TXNDC16: variants seen among roughly 807,000 people sequenced by gnomAD.
TXNDC16 encodes thioredoxin domain containing 16.
TXNDC16 carries 74 observed loss-of-function variants against 85.6 expected under a neutral mutation model. That is an observed-to-expected ratio of 0.86 (90% CI 0.72 to 1.05). TXNDC16 has a LOEUF of 1.05. Ranked by LOEUF, TXNDC16 falls within the 50% of genes least tolerant of loss-of-function variation. TXNDC16 has a pLI of 0.00. For synonymous variants in TXNDC16, 335 were observed against 326.5 expected, an observed-to-expected ratio of 1.03 and a Z score of -0.28; for missense variants, 959 against 947.0, an observed-to-expected ratio of 1.01 and a Z score of -0.17.
At chr14:52,492,745 G>A (rs1400098867) in intron 9 of TXNDC16, among the ~76,000 whole-genome samples, 1 of 152,152 alleles carries the variant, frequency 6.6e-6, no homozygotes, top group East Asian at 1.9e-4. Flanking sequence ...ACACTTACCA[G>A]TCAGGGGGCA....
chr14:52,469,121 T>C (rs1409472789), intron 16 of TXNDC16, among the ~76,000 whole-genome samples: 1 of 151,394 alleles, frequency 6.6e-6, no homozygotes, highest in Non-Finnish European at 1.5e-5. Context: ...CCAAGATGGG[T>C]GGATCACTTG....
chr14:52,530,102 T>C (rs2037466094), intron 6 of TXNDC16, among the ~76,000 whole-genome samples: 1 of 89,138 alleles, frequency 1.1e-5, no homozygotes, highest in African/African-American at 4.6e-5. Flanking sequence ...ATATATTATA[T>C]ATATTTATAT....
chr14:52,443,003 G>T (rs2035200518), intron 18 of TXNDC16, among the ~76,000 whole-genome samples: 1 of 152,142 alleles, frequency 6.6e-6, no homozygotes, highest in Admixed American at 6.6e-5. Context: ...AAAACACAAG[G>T]TAGGTGTGAT....
At chr14:52,530,163 T>C (rs1370088752) in intron 6 of TXNDC16, among the ~76,000 whole-genome samples, 1 of 87,156 alleles carries the variant, frequency 1.1e-5, no homozygotes, top group African/African-American at 4.7e-5. Flanking sequence ...ATAATTTATA[T>C]ATATTATATT....
chr14:52,500,114 T>TAAAATCCC (rs2036622441), intron 9 of TXNDC16, among the ~76,000 whole-genome samples: 1 of 152,112 alleles, frequency 6.6e-6, no homozygotes, highest in Non-Finnish European at 1.5e-5. Flanking sequence ...CACTTCTGGG[T>TAAAATCCC]ATATTTTCAA....
Position 52,439,230 on chromosome 14 carries a change from A to G in TXNDC16, c.2168T>C (p.Leu723Ser). ...GATATGATTTTCTAGTCCTGCTTCT[A>G]ATTTCTTCAGCCACAATACAAGGTT... is the stretch of plus-strand genomic sequence containing the variant. ...EENLVLWLKK[L>S]EAGLENHITI... is the part of the protein sequence containing the mutation. The change falls in exon 20 of 21, where the codon TTA (leucine) becomes TCA (serine). Residue 723 changes from leucine (L) to serine (S), a missense_variant. Transcript: ENST00000281741. 2 of 1,613,962 alleles carry G rather than the reference A, an allele frequency of 1.2e-6. No homozygotes were observed. The highest frequency in any genetic ancestry group is 1.7e-6 in the Non-Finnish European group (2 of 1,179,948).
chr14:52,535,134 G>C (rs551849536), intron 6 of TXNDC16, among the ~76,000 whole-genome samples: 2 of 152,046 alleles, frequency 1.3e-5, no homozygotes, highest in Non-Finnish European at 2.9e-5. Flanking sequence ...CCCATTTCTG[G>C]GTCAAAGATA....
chr14:52,482,333 A>G, intron 13 of TXNDC16, 44 bp from the exon 14 acceptor site: 3 of 1,483,570 alleles, frequency 2.0e-6, no homozygotes, highest in Non-Finnish European at 2.8e-6. Context: ...ATGTATATCT[A>G]CAAAGCATCC....
chr14:52,473,428 C>G (rs989695078), intron 14 of TXNDC16, among the ~76,000 whole-genome samples: 2 of 152,178 alleles, frequency 1.3e-5, no homozygotes, highest in Admixed American at 1.3e-4. Flanking sequence ...TCTTTCCTTT[C>G]AATAAGCATC....
intron 9 of TXNDC16, among the ~76,000 whole-genome samples, chr14:52,501,700 A>G (rs2036662798): frequency 6.6e-6 from 1 of 152,230 alleles, no homozygotes; most frequent in South Asian, 2.1e-4. Context: ...GGACCTCTCT[A>G]TCTCATTCCA....
intron 12 of TXNDC16, among the ~76,000 whole-genome samples, chr14:52,485,443 T>G (rs1365490421): frequency 1.3e-5 from 2 of 152,126 alleles, no homozygotes; most frequent in Non-Finnish European, 2.9e-5. Context: ...GAAAAAAAAT[T>G]TATAAATTTA....
At chr14:52,485,351 T>TA (rs1241649668) in intron 12 of TXNDC16, among the ~76,000 whole-genome samples, 1 of 152,228 alleles carries the variant, frequency 6.6e-6, no homozygotes, top group Non-Finnish European at 1.5e-5. Flanking sequence ...AGTTTAATGT[T>TA]ATCACAAAAC....
At chr14:52,443,827 T>G (rs1341592671) in intron 18 of TXNDC16, among the ~76,000 whole-genome samples, 1 of 152,198 alleles carries the variant, frequency 6.6e-6, no homozygotes, top group Non-Finnish European at 1.5e-5. Context: ...AGGACCCTAC[T>G]CTTTCCTATG....
chr14:52,480,861 G>A (rs527921889), intron 14 of TXNDC16, among the ~76,000 whole-genome samples: 196 of 151,326 alleles, frequency 1.3e-3, no homozygotes, highest in African/African-American at 4.0e-3. Context: ...ACTTGCACAC[G>A]TTTATAGCAG....
intron 18 of TXNDC16, among the ~76,000 whole-genome samples, chr14:52,448,597 G>A (rs903423035): frequency 3.7e-4 from 57 of 152,052 alleles, no homozygotes; most frequent in Admixed American, 3.7e-3. Flanking sequence ...TCATCTAAAA[G>A]TACAAAACTC....
At chr14:52,436,813 GTATATA>G (rs764558290) in intron 20 of TXNDC16, among the ~76,000 whole-genome samples, 25 of 152,016 alleles carry the variant, frequency 1.6e-4, no homozygotes, top group Middle Eastern at 3.4e-3. Flanking sequence ...GAGTGTATGT[GTATATA>G]CATACGTACA....
At chr14:52,438,263 G>A (rs1187609237) in intron 20 of TXNDC16, among the ~76,000 whole-genome samples, 1 of 152,172 alleles carries the variant, frequency 6.6e-6, no homozygotes, top group Non-Finnish European at 1.5e-5. Context: ...GTTCTACTGT[G>A]AATAAAATGC....
intron 18 of TXNDC16, among the ~76,000 whole-genome samples, chr14:52,446,016 G>T (rs2035275305): frequency 6.6e-6 from 1 of 152,152 alleles, no homozygotes; most frequent in African/African-American, 2.4e-5. Flanking sequence ...GCAGACTAGA[G>T]TACTCTACCA....
intron 12 of TXNDC16, among the ~76,000 whole-genome samples, chr14:52,484,152 T>C (rs2036211482): frequency 7.0e-6 from 1 of 143,556 alleles, no homozygotes; most frequent in Non-Finnish European, 1.5e-5. Context: ...CCCAGGGAAA[T>C]ACTTATAGAT....
Sources: allele counts gnomAD v4.1 joint callset (sites outside exome capture counted in the v4.1 genomes callset), GRCh38; gene constraint gnomAD v4.1.1; transcripts MANE v1.5; gene names NCBI Gene and HGNC (gene_info 2026-07-23, HGNC 2026-07-21).